The following PPP3CC variants were observed in gnomAD, a reference collection of about 807,000 sequenced individuals.
PPP3CC encodes protein phosphatase 3 catalytic subunit gamma.
A neutral mutation model predicts 60.3 loss-of-function variants in PPP3CC; 35 were observed. That is an observed-to-expected ratio of 0.58 (90% CI 0.44 to 0.77). The LOEUF (loss-of-function observed/expected upper bound fraction) is 0.77. Among genes scored for constraint, PPP3CC ranks in the 30% least tolerant of loss-of-function variants. The pLI, the probability that PPP3CC is intolerant of heterozygous loss-of-function variation, is 0.00. For missense variants in PPP3CC, 570 were observed against 628.9 expected (o/e 0.91, Z 1.00); for synonymous variants, 206 against 224.3 (o/e 0.92, Z 0.73).
chr8:22,501,106 G>A (rs574449634), intron 4 of PPP3CC, among the ~76,000 whole-genome samples: 1 of 152,256 alleles, frequency 6.6e-6, no homozygotes, highest in South Asian at 2.1e-4. Flanking sequence ...TGGCTATAGT[G>A]AGTTGTGATC....
Position 22,495,600 on chromosome 8 carries a change from C to G in PPP3CC, c.373-2401C>G, listed in dbSNP as rs566545629. The stretch of plus-strand genomic sequence containing the variant: ...ATTATTTTTGGGATGGAGTTTCTCT[C>G]CAGGCTGGAGTGCAATGGCGCTATC... On this transcript the variant is annotated intron_variant, in intron 3 of 13. Coordinates refer to ENST00000240139, the MANE Select transcript of PPP3CC (RefSeq NM_005605.5). Among the ~76,000 whole-genome samples, 30 of 152,032 alleles carry G rather than the reference C, an allele frequency of 2.0e-4. 1 individual carries two copies. The South Asian group carries it at 5.2e-3, about 26-fold the overall frequency.
At chr8:22,479,079 C>G (rs1203844277) in intron 3 of PPP3CC, among the ~76,000 whole-genome samples, 1 of 152,032 alleles carries the variant, frequency 6.6e-6, no homozygotes, top group Admixed American at 6.6e-5. Flanking sequence ...AGATTATAAA[C>G]CTCTATAGGC....
chr8:22,473,544 A>G (rs893792684), intron 1 of PPP3CC, among the ~76,000 whole-genome samples: 2 of 151,626 alleles, frequency 1.3e-5, no homozygotes, highest in African/African-American at 2.4e-5. Flanking sequence ...GCTCACTGCA[A>G]CCTCCATCTC....
At chr8:22,537,695 C>T (rs1427612379) in intron 12 of PPP3CC, among the ~76,000 whole-genome samples, 2 of 152,098 alleles carry the variant, frequency 1.3e-5, no homozygotes, top group Admixed American at 6.5e-5. Context: ...GTGGTAAACG[C>T]AATGGAATAC....
At chr8:22,524,893 T>G (rs1839498250) in intron 8 of PPP3CC, among the ~76,000 whole-genome samples, 1 of 152,214 alleles carries the variant, frequency 6.6e-6, no homozygotes, top group African/African-American at 2.4e-5. Flanking sequence ...CTCATGCCTG[T>G]AATCTCAGCA....
chr8:22,524,267 G>T (rs1403168607), intron 8 of PPP3CC, among the ~76,000 whole-genome samples: 1 of 152,096 alleles, frequency 6.6e-6, no homozygotes, highest in African/African-American at 2.4e-5. Flanking sequence ...TGCAGTTGGG[G>T]AGATAAGTTT....
At chr8:22,493,012 C>G in intron 3 of PPP3CC, 2 of 1,284,540 alleles carry the variant, frequency 1.6e-6, no homozygotes, top group South Asian at 2.4e-5. Flanking sequence ...GCACCACTTG[C>G]TACTGGAGAG....
intron 5 of PPP3CC, among the ~76,000 whole-genome samples, chr8:22,512,337 A>G (rs893528588): frequency 3.9e-5 from 6 of 152,174 alleles, no homozygotes; most frequent in Middle Eastern, 3.2e-3. Flanking sequence ...TTCTGAATCA[A>G]TTGTATCAAT....
Position 22,477,058 on chromosome 8 carries a change from G to A in PPP3CC, c.372+1434G>A, listed in dbSNP as rs560147084. 4.6e-5 allele frequency among the ~76,000 whole-genome samples: 7 copies of A among 152,164 alleles called. 1 individual carries two copies. The South Asian group carries it at 1.0e-3, about 23-fold the overall frequency. Reference sequence around the variant, plus strand: ...TAAAGCCCATTTTTCCTTCTGCTCCGTAAATGTCCAAGGTCTCTAAATAGG... The same window carrying A: ...TAAAGCCCATTTTTCCTTCTGCTCCATAAATGTCCAAGGTCTCTAAATAGG... On this transcript the variant is annotated intron_variant, in intron 3 of 13. Coordinates refer to ENST00000240139, the MANE Select transcript of PPP3CC (RefSeq NM_005605.5).
chr8:22,519,714 G>T (rs1563772147), intron 6 of PPP3CC, among the ~76,000 whole-genome samples: 1 of 152,178 alleles, frequency 6.6e-6, no homozygotes, highest in Non-Finnish European at 1.5e-5. Context: ...GAGTGCAGTG[G>T]TGCGATCTTG....
chr8:22,476,532 T>G (rs546299906), intron 3 of PPP3CC, among the ~76,000 whole-genome samples: 1 of 152,338 alleles, frequency 6.6e-6, no homozygotes, highest in African/African-American at 2.4e-5. Context: ...TCTCACCTGA[T>G]GCCCAAGCAA....
intron 6 of PPP3CC, 52 bp from the exon 7 acceptor site, chr8:22,522,439 T>TA (rs140641925): frequency 1.4e-5 from 20 of 1,433,376 alleles, no homozygotes; most frequent in Middle Eastern, 2.2e-4. Context: ...ATCTTCCTAT[T>TA]AAAAAAAATT....
chr8:22,532,941 T>C lies in PPP3CC; in HGVS notation c.1244T>C (p.Leu415Pro), dbSNP rs1839755958. ...SILRQESESV[L>P]TLKGLTPTGT... ...TGCAGGCAAGAAAGTGAGAGTGTGC[T>C]GACTCTCAAGGGCCTGACTCCCACA... Residue 415 changes from leucine (L) to proline (P), a missense_variant, in exon 12 of 14, where the codon CTG (leucine) becomes CCG (proline). Physicochemically the swap from Leu to Pro is moderately conservative, Grantham distance 98. Coordinates refer to ENST00000240139, the MANE Select transcript of PPP3CC (RefSeq NM_005605.5). 6.2e-7 allele frequency: 1 copy of C among 1,601,430 alleles called. No homozygotes were observed. The highest frequency in any genetic ancestry group is 1.1e-5 in the South Asian group (1 of 89,642).
rs375938980 is a variant in PPP3CC, at chr8:22,522,505, G to A, written c.785G>A (p.Cys262Tyr). The A allele has an allele frequency of 1.8e-5, 29 of 1,610,260 alleles. No homozygotes were observed. Among genetic ancestry groups the A allele is most frequent in the Non-Finnish European group, 2.3e-5 (27 of 1,178,360 alleles). ...TTCTTTTCCAGTTACCCTGCAGTTTGTGAATTTTTGCAGAACAATAATTTA... is the reference window on the plus strand; with the variant it reads ...TTCTTTTCCAGTTACCCTGCAGTTTATGAATTTTTGCAGAACAATAATTTA... Reference protein sequence around the residue: ...CSYFYSYPAVCEFLQNNNLLS... With the variant: ...CSYFYSYPAVYEFLQNNNLLS... Residue 262 changes from cysteine to tyrosine, a missense_variant, in exon 7 of 14, where the codon TGT (cysteine) becomes TAT (tyrosine). Physicochemically the swap from Cys to Tyr is radical, Grantham distance 194. Transcript: ENST00000240139.
chr8:22,481,230 G>T lies in PPP3CC; in HGVS notation c.372+5606G>T, dbSNP rs138526292. Among the ~76,000 whole-genome samples the T allele has an allele frequency of 2.9e-3, 435 of 152,152 alleles. 3 individuals carry two copies. Among genetic ancestry groups the T allele is most frequent in the African/African-American group, 9.9e-3 (411 of 41,528 alleles). On this transcript the variant is annotated intron_variant, in intron 3 of 13. Transcript: ENST00000240139. The stretch of plus-strand genomic sequence containing the variant: ...GGTGCCTGTAATTCCAGCTACTTGG[G>T]AGGCTGAGGCAGGAGAATCACTTGA...
intron 4 of PPP3CC, among the ~76,000 whole-genome samples, chr8:22,508,290 GTTA>G (rs1838984327): frequency 6.6e-6 from 1 of 151,932 alleles, no homozygotes; most frequent in Admixed American, 6.6e-5. Flanking sequence ...AATAATAAAT[GTTA>G]TTATATAAAG....
intron 1 of PPP3CC, among the ~76,000 whole-genome samples, chr8:22,445,447 A>C (rs1447278647): frequency 6.6e-6 from 1 of 152,158 alleles, no homozygotes; most frequent in African/African-American, 2.4e-5. Context: ...GAAAAGAAAG[A>C]CTTCATATTC....
intron 3 of PPP3CC, among the ~76,000 whole-genome samples, chr8:22,478,987 A>G (rs1231935902): frequency 6.6e-6 from 1 of 152,208 alleles, no homozygotes; most frequent in Non-Finnish European, 1.5e-5. Context: ...TTAAGGTGAC[A>G]ATGACATTTT....
chr8:22,511,035 A>T (rs1216898908), intron 4 of PPP3CC, 51 bp from the exon 5 acceptor site: 1 of 1,580,558 alleles, frequency 6.3e-7, no homozygotes, highest in Non-Finnish European at 8.7e-7. Flanking sequence ...ATCCTTTTTC[A>T]AATGTGATAC....
Sources: gnomAD v4.1 joint callset for allele counts (sites outside exome capture counted in the v4.1 genomes callset) on GRCh38, gnomAD v4.1.1 for gene constraint, MANE v1.5 for transcripts, NCBI Gene and HGNC (gene_info 2026-07-23, HGNC 2026-07-21) for gene names.